The following CARD14 variants were observed in gnomAD, a reference collection of about 807,000 sequenced individuals.
CARD14 encodes caspase recruitment domain family member 14.
Under a neutral mutation model 111.5 loss-of-function variants are expected in CARD14, and 107 were observed. That is an observed-to-expected ratio of 0.96 (90% CI 0.82 to 1.13). The LOEUF (loss-of-function observed/expected upper bound fraction) is 1.13. Ranked by LOEUF, CARD14 falls within the 50% of genes most tolerant of loss-of-function variation. CARD14 has a pLI of 0.00. For missense variants in CARD14, 1,322 were observed against 1,362.3 expected, an observed-to-expected ratio of 0.97 and a Z score of 0.47; for synonymous variants, 617 against 579.6, an observed-to-expected ratio of 1.06 and a Z score of -0.93.
At chr17:80,181,272 C>A in intron 4 of CARD14, 147 bp from the exon 5 acceptor site, 3 of 652,446 alleles carry the variant, frequency 4.6e-6, no homozygotes, top group African/African-American at 3.6e-5. Flanking sequence ...CTTCCTCTGC[C>A]GTAAACATCT....
At position 80,184,031 on chromosome 17, in the gene CARD14, GCAGGA is replaced by G; in HGVS notation, c.469_473del (p.Gln157AlafsTer18). 1 of 1,586,964 alleles carries G rather than the reference GCAGGA, an allele frequency of 6.3e-7. No homozygotes were observed. ...TGCTGCTGCGGCGGTGCCAGCAGCT[GCAGGA>G]GCACCTGGGCCTGGCCGAGACCCGT... On this transcript the variant is annotated frameshift_variant, in exon 7 of 24. Transcript: ENST00000648509. LOFTEE classifies it high-confidence loss of function.
chr17:80,173,743 C>A (rs2039963677), intron 2 of CARD14, among the ~76,000 whole-genome samples: 1 of 151,922 alleles, frequency 6.6e-6, no homozygotes, highest in South Asian at 2.1e-4. Context: ...GGATTACAGG[C>A]ACACACCACC....
In CARD14 at chr17:80,204,988, G is replaced by A. The variant is rs200004299; in HGVS notation, c.2399-47G>A. ...CCTCCCGGGGCAGGGTAGGCTGGCT[G>A]GGGGCTGCCGCAGCCTCACCCACCC... On this transcript the variant is annotated intron_variant, in intron 20 of 23. Coordinates refer to ENST00000648509, the MANE Select transcript of CARD14 (RefSeq NM_001366385.1). The A allele has an allele frequency of 0.014, 19,991 of 1,477,306 alleles. 160 individuals carry two copies. Among genetic ancestry groups the A allele is most frequent in the Middle Eastern group, 0.023 (93 of 4,058 alleles). 91.5% of individuals were successfully genotyped at this position (1,477,306 alleles called of 1,614,324 possible). A position where few individuals can be genotyped will look rare whatever the true frequency, so the allele number is the denominator to read the frequency against.
chr17:80,200,157 A>G (rs2040891721), intron 16 of CARD14, among the ~76,000 whole-genome samples: 1 of 151,064 alleles, frequency 6.6e-6, no homozygotes, highest in Non-Finnish European at 1.5e-5. Flanking sequence ...CTCCAATGAT[A>G]GCACATGGAG....
chr17:80,195,138 G>A lies in CARD14; in HGVS notation c.1357-53G>A. 4 of 1,549,222 alleles carry A rather than the reference G, an allele frequency of 2.6e-6. No homozygotes were observed. The highest frequency in any genetic ancestry group is 4.6e-5 in the East Asian group (2 of 43,912). On this transcript the variant is annotated intron_variant, in intron 12 of 23. Transcript: ENST00000648509. This position sits in a 1 kb window ranked among gnomAD's most constrained non-coding sequence, Gnocchi z 4.7. ...TACACCGTGGGGGAGCAAGGGAGGAGTCTCAGGGTGTCCTCGTGCGTGCCC... is the reference window on the plus strand; with the variant it reads ...TACACCGTGGGGGAGCAAGGGAGGAATCTCAGGGTGTCCTCGTGCGTGCCC...
At position 80,198,630 on chromosome 17, in the gene CARD14, C is replaced by T. The variant is rs777775028; in HGVS notation, c.1851+39C>T. 13 of 1,610,242 alleles carry T rather than the reference C, an allele frequency of 8.1e-6. No individual in the cohort carries two copies. The highest frequency in any genetic ancestry group is 1.3e-5 in the African/African-American group (1 of 74,942). ...GGCCCCTCCTGTCCCCCGGGCTCCT[C>T]ATGGGGACAGTGGCAGCGGGTGGGG... On this transcript the variant is annotated intron_variant, in intron 16 of 23. Transcript: ENST00000648509. This position sits in a 1 kb window ranked among gnomAD's most constrained non-coding sequence, Gnocchi z 7.5.
chr17:80,188,617 G>A lies in CARD14; in HGVS notation c.843+73G>A, dbSNP rs1025193171. 1.5e-6 allele frequency: 2 copies of A among 1,353,286 alleles called. No homozygotes were observed. Among genetic ancestry groups the A allele is most frequent in the Non-Finnish European group, 1.9e-6 (2 of 1,043,296 alleles). The allele number at this position is 1,353,286 out of a possible 1,614,324, so 83.8% of individuals were successfully genotyped here. On this transcript the variant is annotated intron_variant, in intron 8 of 23. Transcript: ENST00000648509. This position sits in a 1 kb window ranked among gnomAD's most constrained non-coding sequence, Gnocchi z 4.5. ...TTGGCCCTCAGGCTGTGGGGTTTCT[G>A]ACAGGTGGTTTAGTTAAGGTGAGGC... is the stretch of plus-strand genomic sequence containing the variant.
intron 20 of CARD14, 68 bp from the exon 21 acceptor site, chr17:80,204,967 C>T: frequency 7.3e-7 from 1 of 1,370,658 alleles, no homozygotes; most frequent in South Asian, 1.4e-5. Context: ...CCAGTCCCTC[C>T]CGGGGCAGGG....
chr17:80,192,593 G>T lies in CARD14; in HGVS notation c.1330G>T (p.Asp444Tyr). 1.2e-6 allele frequency: 2 copies of T among 1,613,176 alleles called. No homozygotes were observed. Among genetic ancestry groups the T allele is most frequent in the South Asian group, 1.1e-5 (1 of 91,006 alleles). ...MHAICPRDDS[D>Y]CSLVSSTESQ... ...TGCCATCTGCCCCAGAGACGACAGC[G>T]ACTGCAGCCTCGTCAGCTCCACAGA... The change falls in exon 12 of 24, where the codon GAC becomes TAC. Residue 444 changes from aspartate to tyrosine, a missense_variant. Coordinates refer to ENST00000648509, the MANE Select transcript of CARD14 (RefSeq NM_001366385.1).
intron 23 of CARD14, 125 bp from the exon 24 acceptor site, chr17:80,208,013 G>A (rs2041435585): frequency 4.7e-6 from 3 of 632,428 alleles, no homozygotes; most frequent in Non-Finnish European, 7.7e-6. Context: ...TTCTTTACAA[G>A]GTCCCCTCAA....
Position 80,189,419 on chromosome 17 carries a change from G to A in CARD14, c.844-334G>A, listed in dbSNP as rs2040444548. 3.3e-5 allele frequency among the ~76,000 whole-genome samples: 5 copies of A among 152,218 alleles called. No individual in the cohort carries two copies. The highest frequency in any genetic ancestry group is 3.3e-4 in the Admixed American group (5 of 15,290). ...ATAAGCTCCTTCCTGGGAAGTGAGTGTCAGAGGGGAATGACCTGTCTGCTG... is the reference window on the plus strand; with the variant it reads ...ATAAGCTCCTTCCTGGGAAGTGAGTATCAGAGGGGAATGACCTGTCTGCTG... On this transcript the variant is annotated intron_variant, in intron 8 of 23. Transcript: ENST00000648509. The surrounding 1 kb of genome is among the most constrained non-coding windows in gnomAD (Gnocchi z 4.7).
chr17:80,183,994 G>T lies in CARD14; in HGVS notation c.431G>T (p.Gly144Val). ...CAGGAGGAGCTGAACCAGGAAAAGG[G>T]GCAGAAGGAGGTGCTGCTGCGGCGG... is the stretch of plus-strand genomic sequence containing the variant. The part of the protein sequence containing the change: ...SLQEELNQEK[G>V]QKEVLLRRCQ... The change falls in exon 7 of 24, where the codon GGG (glycine) becomes GTG (valine). Residue 144 changes from glycine to valine, a missense_variant. Coordinates refer to ENST00000648509, the MANE Select transcript of CARD14 (RefSeq NM_001366385.1). The T allele has an allele frequency of 1.9e-6, 3 of 1,586,760 alleles. No homozygotes were observed. Among genetic ancestry groups the T allele is most frequent in the Non-Finnish European group, 2.6e-6 (3 of 1,165,512 alleles).
rs928703088 is a variant in CARD14 at position 80,204,527 on chromosome 17, G to A, written c.2398+186G>A. The A allele has an allele frequency of 5.6e-6, 3 of 536,958 alleles. No individual in the cohort carries two copies. The African/African-American group carries it at 5.7e-5, about 10-fold the overall frequency. 33.3% of individuals were successfully genotyped at this position (536,958 alleles called of 1,614,324 possible). A position where few individuals can be genotyped will look rare whatever the true frequency, so the allele number is the denominator to read the frequency against. ...TAATCCCAGATACTCGGGAGGCTGA[G>A]GCAGGAGAATCGCCTGAACCCGGGA... On this transcript the variant is annotated intron_variant, in intron 20 of 23. Transcript: ENST00000648509.
Position 80,202,266 on chromosome 17 carries a change from G to A in CARD14, c.2065G>A (p.Gly689Ser). 1.9e-6 allele frequency: 3 copies of A among 1,613,996 alleles called. No individual in the cohort carries two copies. Among genetic ancestry groups the A allele is most frequent in the Non-Finnish European group, 2.5e-6 (3 of 1,180,028 alleles). ...CATCCGGGTCAACCTGGCCATGGAG[G>A]GCAGGGCCAAAGGGGAGCTGCAGGT... ...FYIRVNLAME[G>S]RAKGELQVHC... is the part of the protein sequence containing the mutation. Residue 689 changes from glycine to serine, a missense_variant, in exon 18 of 24, where the codon GGC (glycine) becomes AGC (serine). Coordinates refer to ENST00000648509, the MANE Select transcript of CARD14 (RefSeq NM_001366385.1).
At position 80,183,909 on chromosome 17, in the gene CARD14, A is replaced by G. The variant is rs748808582; in HGVS notation, c.350-4A>G. On this transcript the variant is annotated splice_region_variant and splice_polypyrimidine_tract_variant and intron_variant, in intron 6 of 23. Coordinates refer to ENST00000648509, the MANE Select transcript of CARD14 (RefSeq NM_001366385.1). Reference sequence around the variant, plus strand: ...CACTTGCTCACCTGCCCATCTGCCCACAGGTCTCATGGAGACATCCAAGCT... The same window carrying G: ...CACTTGCTCACCTGCCCATCTGCCCGCAGGTCTCATGGAGACATCCAAGCT... 1.2e-5 allele frequency: 18 copies of G among 1,481,738 alleles called. No homozygotes were observed. Among genetic ancestry groups the G allele is most frequent in the South Asian group, 2.9e-5 (2 of 68,958 alleles). The allele number at this position is 1,481,738 out of a possible 1,614,324, so 91.8% of individuals were successfully genotyped here.
chr17:80,189,820 G>T lies in CARD14; in HGVS notation c.911G>T (p.Arg304Leu). The T allele has an allele frequency of 6.3e-7, 1 of 1,584,454 alleles. No homozygotes were observed. Among genetic ancestry groups the T allele is most frequent in the Non-Finnish European group, 8.5e-7 (1 of 1,170,210 alleles). The change falls in exon 9 of 24, where the codon CGC becomes CTC. Residue 304 changes from arginine to leucine, a missense_variant. Coordinates refer to ENST00000648509, the MANE Select transcript of CARD14 (RefSeq NM_001366385.1). This position sits in a 1 kb window ranked among gnomAD's most constrained non-coding sequence, Gnocchi z 4.7. ...GGGAGCCGACAGGAGCTGGTGGAGC[G>T]CATCCACTCGCTGCGGGAGCGGGCC... is the stretch of plus-strand genomic sequence containing the variant. ...ARGSRQELVE[R>L]IHSLRERAVA...
intron 6 of CARD14, among the ~76,000 whole-genome samples, chr17:80,183,550 G>C (rs889801306): frequency 6.6e-6 from 1 of 152,160 alleles, no homozygotes; most frequent in African/African-American, 2.4e-5. Flanking sequence ...GGTAACCCTC[G>C]TGCCAAAATC....
chr17:80,195,815 A>G lies in CARD14; in HGVS notation c.1594+163A>G, dbSNP rs890857798. On this transcript the variant is annotated intron_variant, in intron 14 of 23. Coordinates refer to ENST00000648509, the MANE Select transcript of CARD14 (RefSeq NM_001366385.1). The surrounding 1 kb of genome is among the most constrained non-coding windows in gnomAD (Gnocchi z 4.7). ...CTTGGCCTCGACCTTGCACTTTGGGAAAGTCCCGCCTGCCAGCCAGCGTAA... is the reference window on the plus strand; with the variant it reads ...CTTGGCCTCGACCTTGCACTTTGGGGAAGTCCCGCCTGCCAGCCAGCGTAA... 6.4e-5 allele frequency: 40 copies of G among 625,152 alleles called. No homozygotes were observed. The Middle Eastern group carries it at 9.8e-4, about 15-fold the overall frequency. 38.7% of individuals were successfully genotyped at this position (625,152 alleles called of 1,614,324 possible). A position where few individuals can be genotyped will look rare whatever the true frequency, so the allele number is the denominator to read the frequency against.
chr17:80,174,981 C>CT (rs1192660785), intron 2 of CARD14, among the ~76,000 whole-genome samples: 188 of 146,376 alleles, frequency 1.3e-3, no homozygotes, highest in East Asian at 5.4e-3. Context: ...TTCTTTCTTT[C>CT]TTTTTTTTTT....
Sources: gnomAD v4.1 joint callset for allele counts (sites outside exome capture counted in the v4.1 genomes callset) on GRCh38, gnomAD v4.1.1 for gene constraint, Gnocchi (gnomAD v3.1) non-coding constraint, MANE v1.5 for transcripts, NCBI Gene and HGNC (gene_info 2026-07-23, HGNC 2026-07-21) for gene names.